SLC24A2: variants seen among roughly 807,000 people sequenced by gnomAD.
SLC24A2 encodes solute carrier family 24 member 2, also known as sodium/potassium/calcium exchanger 2.
Under a neutral mutation model 62.0 loss-of-function variants are expected in SLC24A2, and 36 were observed. That is an observed-to-expected ratio of 0.58 (90% confidence interval 0.44 to 0.77). SLC24A2 has a LOEUF of 0.77. Ranked by LOEUF, SLC24A2 falls within the 30% of genes least tolerant of loss-of-function variation. SLC24A2 has a pLI of 0.00. For missense variants in SLC24A2, 846 were observed against 817.9 expected (o/e 1.03, Z -0.42); for synonymous variants, 358 against 294.0 (o/e 1.22, Z -2.23).
chr9:19,533,254 T>G (rs1234520883), intron 8 of SLC24A2, among the ~76,000 whole-genome samples: 1 of 152,212 alleles, frequency 6.6e-6, no homozygotes, highest in East Asian at 1.9e-4. Context: ...GAGGCAGAGC[T>G]GCCAGGCCCT....
At chr9:19,559,671 A>C (rs1835294776) in intron 7 of SLC24A2, among the ~76,000 whole-genome samples, 1 of 152,222 alleles carries the variant, frequency 6.6e-6, no homozygotes, top group Non-Finnish European at 1.5e-5. Context: ...GTGCCCCCCC[A>C]GAAACATTCC....
intron 4 of SLC24A2, among the ~76,000 whole-genome samples, chr9:19,613,146 C>A (rs967619859): frequency 2.0e-5 from 3 of 152,164 alleles, no homozygotes; most frequent in African/African-American, 7.2e-5. Context: ...ATATAGTAGA[C>A]CCTCACTTTT....
chr9:19,771,705 G>A (rs1473152016), intron 2 of SLC24A2, among the ~76,000 whole-genome samples: 1 of 152,330 alleles, frequency 6.6e-6, no homozygotes, highest in Middle Eastern at 3.4e-3. Flanking sequence ...TTTGTATAAA[G>A]CATGATCATG....
chr9:19,692,781 G>A (rs1157493910), intron 2 of SLC24A2, among the ~76,000 whole-genome samples: 2 of 152,076 alleles, frequency 1.3e-5, no homozygotes, highest in Non-Finnish European at 2.9e-5. Flanking sequence ...TAGTCTCCCA[G>A]CACCTAGCAA....
chr9:20,302,144 G>C, the SLC24A2 span, among the ~76,000 whole-genome samples: 132 of 152,268 alleles, frequency 8.7e-4, no homozygotes, highest in Non-Finnish European at 3.1e-4. Context: ...CCTATGGAAA[G>C]ATATCCTGTT....
chr9:20,289,999 A>G, the SLC24A2 span, among the ~76,000 whole-genome samples: 1 of 151,846 alleles, frequency 6.6e-6, no homozygotes, highest in Non-Finnish European at 1.5e-5. Context: ...TGGGATGCGC[A>G]CTCCTTAAGG....
the SLC24A2 span, among the ~76,000 whole-genome samples, chr9:20,235,923 G>C: frequency 1.6e-3 from 249 of 152,208 alleles, no homozygotes; most frequent in African/African-American, 5.8e-3. Flanking sequence ...GAGCCTCACT[G>C]TAAGCTTTCC....
chr9:19,952,733 C>T, the SLC24A2 span, among the ~76,000 whole-genome samples: 3 of 144,038 alleles, frequency 2.1e-5, no homozygotes, highest in Non-Finnish European at 1.5e-5. Flanking sequence ...TGTCTATATT[C>T]AGTACAAGGG....
At chr9:19,832,030 C>G in the SLC24A2 span, among the ~76,000 whole-genome samples, 172 of 152,298 alleles carry the variant, frequency 1.1e-3, no homozygotes, top group African/African-American at 4.0e-3. Context: ...GTTGTGAAGT[C>G]TGTAGTAGTG....
At chr9:19,581,283 C>T (rs1836202092) in intron 5 of SLC24A2, among the ~76,000 whole-genome samples, 1 of 152,160 alleles carries the variant, frequency 6.6e-6, no homozygotes, top group Non-Finnish European at 1.5e-5. Flanking sequence ...ATAGAGCTGG[C>T]TTTCTGGGCT....
the SLC24A2 span, among the ~76,000 whole-genome samples, chr9:20,090,804 T>C: frequency 9.7e-4 from 147 of 152,304 alleles, 1 homozygote; most frequent in Non-Finnish European, 1.9e-3. Flanking sequence ...GAGCGTCTGA[T>C]GTCCTCCAAA....
At chr9:19,920,345 T>C in the SLC24A2 span, among the ~76,000 whole-genome samples, 1 of 152,352 alleles carries the variant, frequency 6.6e-6, no homozygotes, top group Non-Finnish European at 1.5e-5. Context: ...ACAATTTTCA[T>C]AGTTGCCAAT....
At chr9:20,251,075 G>C in the SLC24A2 span, among the ~76,000 whole-genome samples, 1 of 152,198 alleles carries the variant, frequency 6.6e-6, no homozygotes, top group African/African-American at 2.4e-5. Flanking sequence ...TCAGCCCATA[G>C]AGAAGAAGGC....
chr9:20,269,531 GGT>G, the SLC24A2 span, among the ~76,000 whole-genome samples: 1 of 152,062 alleles, frequency 6.6e-6, no homozygotes, highest in East Asian at 1.9e-4. Flanking sequence ...GAGTGTTCTG[GGT>G]GTCTCTCTTC....
chr9:19,746,617 A>G (rs1821840242), intron 2 of SLC24A2, among the ~76,000 whole-genome samples: 1 of 152,172 alleles, frequency 6.6e-6, no homozygotes, highest in Non-Finnish European at 1.5e-5. Context: ...ATTGATCCAG[A>G]GAATTATTTT....
At chr9:19,796,605 C>T in the SLC24A2 span, among the ~76,000 whole-genome samples, 2 of 152,242 alleles carry the variant, frequency 1.3e-5, no homozygotes, top group African/African-American at 4.8e-5. Context: ...CTTTATCCCA[C>T]TCCCATACTC....
At chr9:19,699,283 T>C (rs1324596769) in intron 2 of SLC24A2, among the ~76,000 whole-genome samples, 7 of 152,146 alleles carry the variant, frequency 4.6e-5, no homozygotes, top group Non-Finnish European at 5.9e-5. Flanking sequence ...ATCTGTAAAA[T>C]GCAAATTCAA....
chr9:20,055,425 T>C, the SLC24A2 span, among the ~76,000 whole-genome samples: 1 of 152,166 alleles, frequency 6.6e-6, no homozygotes, highest in Non-Finnish European at 1.5e-5. Flanking sequence ...CTTATAAATA[T>C]TAAGTAAGTA....
the SLC24A2 span, among the ~76,000 whole-genome samples, chr9:20,219,259 C>A: frequency 6.6e-6 from 1 of 152,128 alleles, no homozygotes; most frequent in African/African-American, 2.4e-5. Context: ...TCACTCCTAC[C>A]AGCAGGCAGA....
Sources: gnomAD v4.1 joint callset for allele counts (sites outside exome capture counted in the v4.1 genomes callset) on GRCh38, gnomAD v4.1.1 for gene constraint, MANE v1.5 for transcripts, NCBI Gene and HGNC (gene_info 2026-07-23, HGNC 2026-07-21) for gene names.